The following SCYL2 variants were observed in gnomAD, a reference collection of about 807,000 sequenced individuals.
SCYL2 encodes SCY1 like pseudokinase 2, also known as SCY1-like protein 2.
In SCYL2, 36 loss-of-function variants were observed where a neutral mutation model predicts 100.4. The ratio of observed to expected loss-of-function variants is 0.36; its 90% CI spans 0.27 to 0.47. The LOEUF is 0.47. Among genes scored for constraint, SCYL2 ranks in the 20% least tolerant of loss-of-function variants. The pLI is 1.00. For synonymous variants in SCYL2, 330 were observed against 359.2 expected (o/e 0.92, Z 0.92); for missense variants, 902 against 1,083.9 (o/e 0.83, Z 2.36).
intron 1 of SCYL2, among the ~76,000 whole-genome samples, chr12:100,273,197 C>T (rs753360543): frequency 6.6e-6 from 1 of 152,076 alleles, no homozygotes; most frequent in Non-Finnish European, 1.5e-5. Flanking sequence ...TTTTTAGCCT[C>T]CTTTGCCATA....
Position 100,334,281 on chromosome 12 carries a change from C to T in SCYL2, c.1862+15C>T, listed in dbSNP as rs748823258. ...GAACAGCAGAAGTAAGTAGGTTGCA[C>T]ATGAATTATATGTGGTCCGGGAGTG... On this transcript the variant is annotated intron_variant, in intron 14 of 17. Transcript: ENST00000360820. 1.4e-6 allele frequency: 2 copies of T among 1,399,838 alleles called. No individual in the cohort carries two copies. Among genetic ancestry groups the T allele is most frequent in the Non-Finnish European group, 2.0e-6 (2 of 992,070 alleles). 86.7% of individuals were successfully genotyped at this position (1,399,838 alleles called of 1,614,324 possible).
At chr12:100,327,165 T>TA in intron 12 of SCYL2, 1 of 398,406 alleles carries the variant, frequency 2.5e-6, no homozygotes, top group Non-Finnish European at 5.0e-6. Context: ...AAATAGGTAC[T>TA]ATTGTTTCTA....
intron 2 of SCYL2, 49 bp downstream of exon 2, chr12:100,283,196 C>T (rs2096300756): frequency 3.4e-6 from 5 of 1,453,744 alleles, no homozygotes; most frequent in Non-Finnish European, 4.6e-6. Flanking sequence ...ATGCTAAGAA[C>T]CATAAAATGC....
chr12:100,337,280 C>A, intron 16 of SCYL2, 107 bp from the exon 17 acceptor site: 1 of 1,405,076 alleles, frequency 7.1e-7, no homozygotes, highest in Non-Finnish European at 9.7e-7. Flanking sequence ...GAGTAGTTTG[C>A]TTTTCAGTGA....
chr12:100,322,235 T>C (rs1316734432), intron 10 of SCYL2, among the ~76,000 whole-genome samples: 2 of 147,918 alleles, frequency 1.4e-5, no homozygotes, highest in South Asian at 4.2e-4. Flanking sequence ...TAGCCGGGCG[T>C]GGTGGCGGGC....
At chr12:100,311,244 G>A in intron 5 of SCYL2, 51 bp downstream of exon 5, 1 of 1,543,778 alleles carries the variant, frequency 6.5e-7, no homozygotes, top group Non-Finnish European at 8.7e-7. Context: ...AATTTTGATT[G>A]CATCTGGAAT....
chr12:100,305,606 A>G (rs2096333279), intron 4 of SCYL2, among the ~76,000 whole-genome samples: 1 of 152,144 alleles, frequency 6.6e-6, no homozygotes, highest in African/African-American at 2.4e-5. Context: ...AGCAAGAGCA[A>G]ACAAATTCAA....
rs1277923296 is a variant in SCYL2, at chr12:100,340,304, A to T, written c.*1132A>T. On this transcript the variant is annotated 3_prime_UTR_variant, in exon 18 of 18. Transcript: ENST00000360820. ...GCCATTTTTAGGAAGGAAAGAATCA[A>T]TTCTCTTAACAGGAAACATGCTTTA... The T allele has an allele frequency of 6.6e-6, 1 of 152,354 alleles. No homozygotes were observed. The highest frequency in any genetic ancestry group is 1.5e-5 in the Non-Finnish European group (1 of 67,956). 9.4% of individuals were successfully genotyped at this position (152,354 alleles called of 1,614,324 possible). A position where few individuals can be genotyped will look rare whatever the true frequency, so the allele number is the denominator to read the frequency against.
At chr12:100,287,069 G>T (rs890611768) in intron 2 of SCYL2, among the ~76,000 whole-genome samples, 1 of 152,134 alleles carries the variant, frequency 6.6e-6, no homozygotes, top group Non-Finnish European at 1.5e-5. Context: ...AGTCATGGGG[G>T]TCCATAAAAT....
At chr12:100,270,622 T>C (rs1235259943) in intron 1 of SCYL2, among the ~76,000 whole-genome samples, 2 of 136,122 alleles carry the variant, frequency 1.5e-5, no homozygotes, top group Non-Finnish European at 3.2e-5. Context: ...CATGTTGCTT[T>C]CTTTTTTTTT....
chr12:100,339,126 C>A lies in SCYL2; in HGVS notation c.2744C>A (p.Thr915Asn). The A allele has an allele frequency of 1.2e-6, 2 of 1,613,936 alleles. No individual in the cohort carries two copies. Among genetic ancestry groups the A allele is most frequent in the Non-Finnish European group, 1.7e-6 (2 of 1,179,902 alleles). Reference protein sequence around the residue: ...QNFAQPPTTMTNSSSASNDLK... With the variant: ...QNFAQPPTTMNNSSSASNDLK... Reference sequence around the variant, plus strand: ...TTTGCACAGCCACCAACTACTATGACCAATAGCAGTTCAGCTAGCAATGAT... The same window carrying A: ...TTTGCACAGCCACCAACTACTATGAACAATAGCAGTTCAGCTAGCAATGAT... Residue 915 changes from threonine (T) to asparagine (N), a missense_variant, in exon 18 of 18, where the codon ACC (threonine) becomes AAC (asparagine). Physicochemically the swap from Thr to Asn is moderately conservative, Grantham distance 65 (BLOSUM62 0). Transcript: ENST00000360820.
intron 10 of SCYL2, chr12:100,319,419 T>G: frequency 3.2e-6 from 1 of 313,460 alleles, no homozygotes; most frequent in Non-Finnish European, 6.3e-6. Context: ...AGGGGAAGAT[T>G]AAGTGACATG....
rs768415615 is a variant in SCYL2 at position 100,313,471 on chromosome 12, G to A, written c.902G>A (p.Arg301His). The part of the protein sequence containing the change: ...SSLTNIPEEV[R>H]EHVKLLLNVT... Reference sequence around the variant, plus strand: ...CTTACAAATATACCTGAGGAAGTTCGTGAACATGTAAAGCTACTGTTAAAT... The same window carrying A: ...CTTACAAATATACCTGAGGAAGTTCATGAACATGTAAAGCTACTGTTAAAT... The change falls in exon 7 of 18, where the codon CGT becomes CAT. Residue 301 changes from arginine to histidine, a missense_variant. Coordinates refer to ENST00000360820, the MANE Select transcript of SCYL2 (RefSeq NM_017988.6). 141 of 1,610,324 alleles carry A rather than the reference G, an allele frequency of 8.8e-5. 1 individual carries two copies. In the South Asian group the frequency reaches 1.3e-3, roughly 15 times the overall value.
At chr12:100,295,391 A>C (rs944769635) in intron 3 of SCYL2, among the ~76,000 whole-genome samples, 100 of 152,164 alleles carry the variant, frequency 6.6e-4, no homozygotes, top group Non-Finnish European at 1.3e-3. Context: ...ACGCCACTGC[A>C]CTCCAGCCGG....
At chr12:100,318,876 A>C (rs2096352465) in intron 10 of SCYL2, among the ~76,000 whole-genome samples, 1 of 152,312 alleles carries the variant, frequency 6.6e-6, no homozygotes, top group South Asian at 2.1e-4. Context: ...CCAGACTGTT[A>C]GTTTTGTAGT....
chr12:100,306,591 C>T (rs1331832748), intron 4 of SCYL2, among the ~76,000 whole-genome samples: 1 of 152,110 alleles, frequency 6.6e-6, no homozygotes, highest in African/African-American at 2.4e-5. Context: ...TGAAAACTGG[C>T]ACAAATGCCC....
rs145287088 is a variant in SCYL2, at chr12:100,331,075, C to G, written c.1761+1756C>G. On this transcript the variant is annotated intron_variant, in intron 13 of 17. Coordinates refer to ENST00000360820, the MANE Select transcript of SCYL2 (RefSeq NM_017988.6). The stretch of plus-strand genomic sequence containing the variant: ...CTCCGATCTCAAGTGATCTGCTTGC[C>G]TCGGCCTCCCAAAGTGCTGGGATTA... 5.9e-5 allele frequency among the ~76,000 whole-genome samples: 9 copies of G among 152,148 alleles called. No homozygotes were observed. In the South Asian group the frequency reaches 1.9e-3, roughly 32 times the overall value.
intron 10 of SCYL2, among the ~76,000 whole-genome samples, chr12:100,321,261 C>G (rs1284816444): frequency 6.6e-6 from 1 of 152,162 alleles, no homozygotes; most frequent in Non-Finnish European, 1.5e-5. Context: ...TAATTTATTT[C>G]TGTCTTCTAA....
chr12:100,276,651 T>A (rs2135806463), intron 1 of SCYL2, among the ~76,000 whole-genome samples: 1 of 152,322 alleles, frequency 6.6e-6, no homozygotes, highest in Non-Finnish European at 1.5e-5. Flanking sequence ...ATTTTCTTGA[T>A]CAATATAGCT....
Sources: gnomAD v4.1 joint callset for allele counts (sites outside exome capture counted in the v4.1 genomes callset) on GRCh38, gnomAD v4.1.1 for gene constraint, MANE v1.5 for transcripts, NCBI Gene and HGNC (gene_info 2026-07-23, HGNC 2026-07-21) for gene names.